Variants in LHFPL3 observed in about 807,000 individuals in gnomAD.
LHFPL3 encodes the protein LHFPL tetraspan subfamily member 3 protein.
A neutral mutation model predicts 19.3 loss-of-function variants in LHFPL3; 5 were observed. The observed-to-expected ratio is 0.26, with a 90% confidence interval of 0.14 to 0.54. LHFPL3 has a LOEUF of 0.54. Among genes scored for constraint, LHFPL3 ranks in the 20% least tolerant of loss-of-function variants. LHFPL3 has a pLI of 0.94. For synonymous variants in LHFPL3, 133 were observed against 126.2 expected (o/e 1.05, Z -0.36); for missense variants, 249 against 307.4 (o/e 0.81, Z 1.42).
chr7:104,743,804 C>A (rs887677437), intron 2 of LHFPL3, among the ~76,000 whole-genome samples: 1 of 152,082 alleles, frequency 6.6e-6, no homozygotes, highest in African/African-American at 2.4e-5. Context: ...ATTTCAAGTT[C>A]TTTGTTTTAC....
At chr7:104,332,860 TG>T (rs1801596239) in intron 1 of LHFPL3, among the ~76,000 whole-genome samples, 1 of 150,604 alleles carries the variant, frequency 6.6e-6, no homozygotes, top group Non-Finnish European at 1.5e-5. Flanking sequence ...ATATAAAAAC[TG>T]GAGACATAAA....
chr7:104,731,321 G>GC (rs74219620), intron 1 of LHFPL3, among the ~76,000 whole-genome samples: 151,990 of 152,010 alleles, frequency 1, 75,985 homozygotes, highest in Middle Eastern at 1. Context: ...GGGCAGTATG[G>GC]CATTTTCATG....
At chr7:104,642,034 CTTTTTTT>C (rs10583452) in intron 1 of LHFPL3, among the ~76,000 whole-genome samples, 3 of 111,964 alleles carry the variant, frequency 2.7e-5, no homozygotes, top group Admixed American at 9.6e-5. Context: ...TATGTTATTA[CTTTTTTT>C]TTTTTTTTTT....
At chr7:104,860,648 G>C (rs1791600702) in intron 2 of LHFPL3, among the ~76,000 whole-genome samples, 2 of 152,170 alleles carry the variant, frequency 1.3e-5, no homozygotes, top group Non-Finnish European at 2.9e-5. Context: ...CCTATTCTAA[G>C]TATCTTAAAA....
At chr7:104,759,111 G>A (rs1287222755) in intron 2 of LHFPL3, among the ~76,000 whole-genome samples, 1 of 152,182 alleles carries the variant, frequency 6.6e-6, no homozygotes, top group Non-Finnish European at 1.5e-5. Context: ...TGTTAAGCAA[G>A]AGAAGATAAG....
chr7:104,645,654 C>CTTTTT lies in LHFPL3; in HGVS notation c.446-91000_446-90996dup, dbSNP rs869151153. 4.7e-3 allele frequency among the ~76,000 whole-genome samples: 380 copies of CTTTTT among 81,616 alleles called. 45 individuals are homozygous for CTTTTT. Among genetic ancestry groups the CTTTTT allele is most frequent in the Non-Finnish European group, 5.8e-3 (277 of 47,868 alleles). 53.5% of individuals were successfully genotyped at this position (81,616 alleles called of 152,430 possible). A position where few individuals can be genotyped will look rare whatever the true frequency, so the allele number is the denominator to read the frequency against. ...TGACATATTTGCTCTATTGGGTTTT[C>CTTTTT]TTTTTTTTTTTTTTTTTTTTTTTTT... is the stretch of plus-strand genomic sequence containing the variant. On this transcript the variant is annotated intron_variant, in intron 1 of 2. Coordinates refer to ENST00000424859, the MANE Select transcript of LHFPL3 (RefSeq NM_199000.3).
Position 104,756,178 on chromosome 7 carries a change from C to T in LHFPL3, c.682+19267C>T, listed in dbSNP as rs191108993. 9.9e-5 allele frequency among the ~76,000 whole-genome samples: 15 copies of T among 152,244 alleles called. No individual in the cohort carries two copies. The East Asian group carries it at 2.7e-3, about 27-fold the overall frequency. ...CACACACTCACACTCCACACACTTT[C>T]TTCAATCCAAAGCAAATGAGAAGTA... is the stretch of plus-strand genomic sequence containing the variant. On this transcript the variant is annotated intron_variant, in intron 2 of 2. Transcript: ENST00000424859.
chr7:104,828,240 A>G (rs1258883706), intron 2 of LHFPL3, among the ~76,000 whole-genome samples: 1 of 151,924 alleles, frequency 6.6e-6, no homozygotes, highest in Non-Finnish European at 1.5e-5. Flanking sequence ...TGAAAGACAT[A>G]GTCAACTTTC....
chr7:104,382,659 C>G (rs1047621157), intron 1 of LHFPL3, among the ~76,000 whole-genome samples: 1 of 152,216 alleles, frequency 6.6e-6, no homozygotes, highest in African/African-American at 2.4e-5. Context: ...CAGACTGTCA[C>G]TCTCTGTATG....
intron 1 of LHFPL3, among the ~76,000 whole-genome samples, chr7:104,711,180 A>G (rs953151870): frequency 6.6e-6 from 1 of 152,250 alleles, no homozygotes; most frequent in Admixed American, 6.5e-5. Context: ...CAGTTATCAG[A>G]GGTATTCAAG....
intron 1 of LHFPL3, among the ~76,000 whole-genome samples, chr7:104,618,565 A>G (rs1192857898): frequency 1.3e-5 from 2 of 152,082 alleles, no homozygotes; most frequent in Admixed American, 6.6e-5. Context: ...TTCGTTATAC[A>G]TTGTTTGATC....
intron 1 of LHFPL3, among the ~76,000 whole-genome samples, chr7:104,586,406 A>C (rs6979378): frequency 0.99 from 151,053 of 152,224 alleles, 74,951 homozygotes; most frequent in East Asian, 1. Flanking sequence ...TGTGTGCACA[A>C]CTTTTATTTT....
At chr7:104,902,419 G>A (rs1450776387) in intron 2 of LHFPL3, among the ~76,000 whole-genome samples, 2 of 151,630 alleles carry the variant, frequency 1.3e-5, no homozygotes, top group Non-Finnish European at 2.9e-5. Flanking sequence ...GGAGGGAGAG[G>A]AGAAGGAGGA....
chr7:104,867,569 A>C (rs906626203), intron 2 of LHFPL3, among the ~76,000 whole-genome samples: 1 of 152,206 alleles, frequency 6.6e-6, no homozygotes, highest in Non-Finnish European at 1.5e-5. Context: ...CAGACTCTGA[A>C]ATTGAGGCAA....
chr7:104,450,374 G>T (rs1792410523), intron 1 of LHFPL3, among the ~76,000 whole-genome samples: 1 of 152,168 alleles, frequency 6.6e-6, no homozygotes, highest in African/African-American at 2.4e-5. Context: ...TTTTATGGCT[G>T]CATGGCATTC....
At chr7:104,905,456 G>A (rs764548569) in intron 2 of LHFPL3, among the ~76,000 whole-genome samples, 3 of 152,038 alleles carry the variant, frequency 2.0e-5, no homozygotes, top group South Asian at 2.1e-4. Context: ...GCACAGTAGC[G>A]CACACCTGTC....
chr7:104,554,345 A>G (rs964025701), intron 1 of LHFPL3, among the ~76,000 whole-genome samples: 3 of 152,088 alleles, frequency 2.0e-5, no homozygotes, highest in Admixed American at 6.6e-5. Context: ...TGCAAAATTT[A>G]TTTGCCATCA....
At chr7:104,595,644 T>G (rs771280711) in intron 1 of LHFPL3, among the ~76,000 whole-genome samples, 3 of 152,266 alleles carry the variant, frequency 2.0e-5, no homozygotes, top group Non-Finnish European at 2.9e-5. Context: ...TGCTGCCTTT[T>G]GTTCCGCTAT....
chr7:104,450,468 C>A (rs1792412155), intron 1 of LHFPL3, among the ~76,000 whole-genome samples: 1 of 151,918 alleles, frequency 6.6e-6, no homozygotes, highest in African/African-American at 2.4e-5. Context: ...CAAACTAACA[C>A]AAGAACAGAA....
Sources: allele counts gnomAD v4.1 joint callset (sites outside exome capture counted in the v4.1 genomes callset), GRCh38; gene constraint gnomAD v4.1.1; transcripts MANE v1.5; gene names NCBI Gene and HGNC (gene_info 2026-07-23, HGNC 2026-07-21).